The following ADCY1 variants were observed in gnomAD, a reference collection of about 807,000 sequenced individuals.
ADCY1 encodes adenylate cyclase 1.
ADCY1 carries 28 observed loss-of-function variants against 105.4 expected under a neutral mutation model. The observed-to-expected ratio is 0.27, with a 90% CI of 0.20 to 0.36. ADCY1 has a LOEUF of 0.36. Ranked by LOEUF, ADCY1 falls within the 10% of genes least tolerant of loss-of-function variation. The probability of loss-of-function intolerance (pLI) is 1.00; values close to 1 mark genes in which losing one functional copy is unlikely to be tolerated. For missense variants in ADCY1, 977 were observed against 1,434.2 expected (o/e 0.68, Z 5.15); for synonymous variants, 655 against 623.8 (o/e 1.05, Z -0.75).
chr7:45,623,990 C>G (rs1284268785), intron 4 of ADCY1, among the ~76,000 whole-genome samples: 3 of 152,122 alleles, frequency 2.0e-5, no homozygotes, highest in African/African-American at 7.2e-5. Flanking sequence ...TCCAGGTGGT[C>G]AGGGAGGGGC....
At chr7:45,635,200 T>C (rs898892423) in intron 4 of ADCY1, among the ~76,000 whole-genome samples, 3 of 151,950 alleles carry the variant, frequency 2.0e-5, no homozygotes, top group Admixed American at 2.0e-4. Flanking sequence ...TTGTTTTCCT[T>C]CTAATATCTG....
intron 8 of ADCY1, among the ~76,000 whole-genome samples, chr7:45,667,247 T>C (rs1784280055): frequency 6.6e-6 from 1 of 152,190 alleles, no homozygotes; most frequent in Non-Finnish European, 1.5e-5. Context: ...TCTTCTAAGG[T>C]TTTTATGGTT....
At chr7:45,677,798 G>T in intron 8 of ADCY1, 71 bp from the exon 9 acceptor site, 1 of 1,503,926 alleles carries the variant, frequency 6.6e-7, no homozygotes, top group Non-Finnish European at 9.0e-7. Context: ...TGGCTGGAGG[G>T]AGAGTACAGG....
chr7:45,656,993 A>G (rs973613671), intron 5 of ADCY1, among the ~76,000 whole-genome samples: 2 of 152,262 alleles, frequency 1.3e-5, no homozygotes, highest in East Asian at 1.9e-4. Context: ...AGAGATGGGC[A>G]TCGTGTACCC....
At chr7:45,603,380 T>C (rs1426958435) in intron 2 of ADCY1, among the ~76,000 whole-genome samples, 6 of 152,262 alleles carry the variant, frequency 3.9e-5, no homozygotes, top group Non-Finnish European at 8.8e-5. Flanking sequence ...AAGGAGCTGC[T>C]AGACTGTTTT....
intron 4 of ADCY1, among the ~76,000 whole-genome samples, chr7:45,646,525 A>G (rs987674416): frequency 6.6e-6 from 1 of 152,224 alleles, no homozygotes; most frequent in Non-Finnish European, 1.5e-5. Flanking sequence ...GCCACTGCAC[A>G]GAGACCCTTG....
intron 1 of ADCY1, among the ~76,000 whole-genome samples, chr7:45,583,661 A>T (rs1015188142): frequency 6.0e-5 from 9 of 151,158 alleles, no homozygotes; most frequent in Non-Finnish European, 1.0e-4. Context: ...TTTTTTTGAG[A>T]TGGAGTTTCG....
At chr7:45,695,032 C>T (rs1364455419) in intron 14 of ADCY1, among the ~76,000 whole-genome samples, 4 of 152,232 alleles carry the variant, frequency 2.6e-5, no homozygotes, top group Non-Finnish European at 4.4e-5. Flanking sequence ...CTGCCTTGGG[C>T]TTCCAAGCCC....
Position 45,622,650 on chromosome 7 carries a change from C to G in ADCY1, c.927C>G (p.Ile309Met). Reference protein sequence around the residue: ...HDNVSILFADIVGFTGLASQC... With the variant: ...HDNVSILFADMVGFTGLASQC... ...CTTGCAGCATCCTGTTTGCTGACAT[C>G]GTGGGTTTCACGGGCTTGGCATCCC... is the stretch of plus-strand genomic sequence containing the variant. Residue 309 changes from isoleucine to methionine, a missense_variant, in exon 4 of 20, where the codon ATC becomes ATG. Ile to Met is a conservative substitution (Grantham distance 10). This residue lies in a region of ADCY1 where 196 missense variants were observed against 347.8 expected (regional missense o/e 0.56). Coordinates refer to ENST00000297323, the MANE Select transcript of ADCY1 (RefSeq NM_021116.4). The G allele has an allele frequency of 6.2e-7, 1 of 1,614,136 alleles. No individual in the cohort carries two copies. Among genetic ancestry groups the G allele is most frequent in the African/African-American group, 1.3e-5 (1 of 75,050 alleles).
At chr7:45,604,307 C>G (rs1046936308) in intron 2 of ADCY1, among the ~76,000 whole-genome samples, 21 of 152,122 alleles carry the variant, frequency 1.4e-4, no homozygotes, top group African/African-American at 5.1e-4. Flanking sequence ...TATAGTTGAT[C>G]ATTTCATTCT....
chr7:45,707,676 TAATATC>T (rs942672563), intron 17 of ADCY1, among the ~76,000 whole-genome samples: 3 of 152,336 alleles, frequency 2.0e-5, no homozygotes, highest in African/African-American at 7.2e-5. Context: ...CTTTGGTTAA[TAATATC>T]AATATTGGTT....
chr7:45,609,858 A>T (rs1161995173), intron 2 of ADCY1, among the ~76,000 whole-genome samples: 1 of 152,142 alleles, frequency 6.6e-6, no homozygotes, highest in African/African-American at 2.4e-5. Context: ...CTCTTGGGGG[A>T]AAAAAGAAAA....
intron 4 of ADCY1, among the ~76,000 whole-genome samples, chr7:45,645,744 G>C (rs915805565): frequency 1.3e-5 from 2 of 152,100 alleles, no homozygotes; most frequent in Non-Finnish European, 2.9e-5. Context: ...TGAGATGCAG[G>C]GATGATCAGG....
In ADCY1 at chr7:45,686,512, C is replaced by A; in HGVS notation, c.2328-35C>A. On this transcript the variant is annotated intron_variant, in intron 13 of 19. Transcript: ENST00000297323. The surrounding 1 kb of genome is among the most constrained non-coding windows in gnomAD (Gnocchi z 4.3). Reference sequence around the variant, plus strand: ...GCAGAGTCTTGCCCTGGAAGCTCGGCACTGACTTGGCTTTTCTTCCTCATC... The same window carrying A: ...GCAGAGTCTTGCCCTGGAAGCTCGGAACTGACTTGGCTTTTCTTCCTCATC... 1 of 1,590,056 alleles carries A rather than the reference C, an allele frequency of 6.3e-7. No individual in the cohort carries two copies. Among genetic ancestry groups the A allele is most frequent in the Non-Finnish European group, 8.6e-7 (1 of 1,166,272 alleles).
chr7:45,703,269 A>T lies in ADCY1; in HGVS notation c.2455-107A>T. 1 of 1,026,416 alleles carries T rather than the reference A, an allele frequency of 9.7e-7. No individual in the cohort carries two copies. Among genetic ancestry groups the T allele is most frequent in the South Asian group, 1.4e-5 (1 of 73,876 alleles). The allele number at this position is 1,026,416 out of a possible 1,614,324, so 63.6% of individuals were successfully genotyped here. On this transcript the variant is annotated intron_variant, in intron 14 of 19. Transcript: ENST00000297323. This position sits in a 1 kb window ranked among gnomAD's most constrained non-coding sequence, Gnocchi z 5.9. ...AGGGACAGGAGCGTGGATGTAGACC[A>T]TCAGCACACCTGGAGTCCAGTTTGG...
intron 14 of ADCY1, among the ~76,000 whole-genome samples, chr7:45,690,142 C>T (rs1298680190): frequency 6.6e-6 from 1 of 152,184 alleles, no homozygotes; most frequent in Non-Finnish European, 1.5e-5. Flanking sequence ...GGCAGGAGGG[C>T]ACCTCGGAAG....
Position 45,613,751 on chromosome 7 carries a change from G to A in ADCY1, c.908+3254G>A, listed in dbSNP as rs116091338. 5.9e-3 allele frequency among the ~76,000 whole-genome samples: 892 copies of A among 152,154 alleles called. 8 individuals carry two copies. Among genetic ancestry groups the A allele is most frequent in the African/African-American group, 0.02 (844 of 41,496 alleles). On this transcript the variant is annotated intron_variant, in intron 3 of 19. Coordinates refer to ENST00000297323, the MANE Select transcript of ADCY1 (RefSeq NM_021116.4). ...AAATTCTCAAAAGCCAAGGACAAAG[G>A]GAGAATTTTGAAAACAGAAAGGAAA...
At chr7:45,687,058 G>C (rs1007468847) in intron 14 of ADCY1, among the ~76,000 whole-genome samples, 3 of 152,144 alleles carry the variant, frequency 2.0e-5, no homozygotes, top group Non-Finnish European at 4.4e-5. Context: ...GGGTCATTGG[G>C]AAATACAAGA....
chr7:45,670,115 G>T (rs965308178), intron 8 of ADCY1, among the ~76,000 whole-genome samples: 1 of 152,128 alleles, frequency 6.6e-6, no homozygotes, highest in Non-Finnish European at 1.5e-5. Flanking sequence ...GCTTAGCCTG[G>T]TGGTTCCCCC....
Sources: allele counts gnomAD v4.1 joint callset (sites outside exome capture counted in the v4.1 genomes callset), GRCh38; gene constraint gnomAD v4.1.1; regional missense constraint gnomAD v4.1.1; non-coding constraint Gnocchi (gnomAD v3.1); transcripts MANE v1.5; gene names NCBI Gene and HGNC (gene_info 2026-07-23, HGNC 2026-07-21).